AOPEP: variants seen among roughly 807,000 people sequenced by gnomAD.
AOPEP encodes the protein aminopeptidase O (putative), also known as aminopeptidase O.
In AOPEP, 77 loss-of-function variants were observed where a neutral mutation model predicts 98.1. The observed-to-expected ratio is 0.78, with a 90% CI of 0.65 to 0.95. The LOEUF is 0.95. Ranked by LOEUF, AOPEP falls within the 40% of genes least tolerant of loss-of-function variation. The pLI, the probability that AOPEP is intolerant of heterozygous loss-of-function variation, is 0.00. For synonymous variants in AOPEP, 346 were observed against 365.3 expected, an observed-to-expected ratio of 0.95 and a Z score of 0.60; for missense variants, 1,024 against 1,024.7, an observed-to-expected ratio of 1.00 and a Z score of 0.01.
chr9:94,986,162 C>T (rs1422193278), intron 11 of AOPEP, among the ~76,000 whole-genome samples: 1 of 152,132 alleles, frequency 6.6e-6, no homozygotes, highest in Admixed American at 6.5e-5. Flanking sequence ...GGTGAGGCCT[C>T]TCTCCTCGGC....
chr9:95,139,288 C>T, the AOPEP span, among the ~76,000 whole-genome samples: 1 of 152,186 alleles, frequency 6.6e-6, no homozygotes, highest in African/African-American at 2.4e-5. Context: ...AGAGTGACAA[C>T]ACCCAGTGCT....
chr9:94,900,989 G>A (rs1231384257), intron 5 of AOPEP: 1 of 152,152 alleles, frequency 6.6e-6, no homozygotes. Context: ...CTTTCTCTCA[G>A]ACCCTGGCAA....
At chr9:95,141,998 T>TG in the AOPEP span, among the ~76,000 whole-genome samples, 3 of 142,582 alleles carry the variant, frequency 2.1e-5, no homozygotes, top group African/African-American at 5.2e-5. Context: ...TTTTTTTTTT[T>TG]TTTTTTTTTT....
chr9:94,983,969 G>A (rs185073428), intron 11 of AOPEP, among the ~76,000 whole-genome samples: 3 of 151,048 alleles, frequency 2.0e-5, no homozygotes, highest in Non-Finnish European at 4.4e-5. Context: ...GGAGCTCACC[G>A]TCCAATGCAC....
chr9:95,023,513 G>A (rs1239192169), intron 13 of AOPEP, among the ~76,000 whole-genome samples: 7 of 152,156 alleles, frequency 4.6e-5, no homozygotes, highest in South Asian at 2.1e-4. Flanking sequence ...GTTTCCAGTC[G>A]GCTCCTCCAA....
chr9:95,114,671 A>G, the AOPEP span: 1 of 1,614,206 alleles, frequency 6.2e-7, no homozygotes, highest in African/African-American at 1.3e-5. Flanking sequence ...CAGTTCAGAA[A>G]TATGCTTCAG....
At chr9:95,060,367 A>G (rs1043643024) in intron 13 of AOPEP, among the ~76,000 whole-genome samples, 3 of 152,202 alleles carry the variant, frequency 2.0e-5, no homozygotes, top group African/African-American at 7.2e-5. Context: ...TTTCTGGTGT[A>G]TGCGTGCTGT....
intron 5 of AOPEP, among the ~76,000 whole-genome samples, chr9:94,821,260 A>G (rs1046211054): frequency 6.6e-6 from 1 of 152,166 alleles, no homozygotes; most frequent in Non-Finnish European, 1.5e-5. Flanking sequence ...GGCTTTCAGG[A>G]TAGAGCGTTC....
chr9:94,848,880 G>C (rs561181141), intron 5 of AOPEP, among the ~76,000 whole-genome samples: 1 of 152,126 alleles, frequency 6.6e-6, no homozygotes, highest in Non-Finnish European at 1.5e-5. Context: ...GGGTTCAAGC[G>C]ATTCTCCTGC....
At chr9:94,873,711 T>C (rs1338686124) in intron 5 of AOPEP, among the ~76,000 whole-genome samples, 1 of 152,254 alleles carries the variant, frequency 6.6e-6, no homozygotes, top group Admixed American at 6.5e-5. Context: ...GTTTACATAT[T>C]TAATATATTG....
intron 3 of AOPEP, 188 bp downstream of exon 3, chr9:94,773,356 G>A (rs1841313654): frequency 2.1e-6 from 1 of 483,696 alleles, no homozygotes; most frequent in East Asian, 3.3e-5. Flanking sequence ...GCCTGGGCAT[G>A]GGATTTGGGG....
chr9:95,086,455 G>A (rs189483486), intron 16 of AOPEP: 7 of 985,380 alleles, frequency 7.1e-6, no homozygotes, highest in East Asian at 1.1e-4. Context: ...TATTGTGTAC[G>A]CAAAGCCTGA....
At chr9:95,145,275 T>A in the AOPEP span, 4 of 152,332 alleles carry the variant, frequency 2.6e-5, no homozygotes, top group African/African-American at 9.6e-5. Context: ...GATCCATTTA[T>A]GACAGTGAAA....
intron 10 of AOPEP, among the ~76,000 whole-genome samples, chr9:94,971,316 A>T (rs985204731): frequency 1.3e-4 from 20 of 152,146 alleles, no homozygotes; most frequent in Non-Finnish European, 2.8e-4. Flanking sequence ...GCTTCTTTTT[A>T]AAAAAATCTC....
intron 5 of AOPEP, among the ~76,000 whole-genome samples, chr9:94,868,296 T>C (rs760884441): frequency 6.6e-6 from 1 of 152,206 alleles, no homozygotes; most frequent in African/African-American, 2.4e-5. Context: ...GTTCACCAGT[T>C]TGGGGAAGGC....
intron 1 of AOPEP, among the ~76,000 whole-genome samples, chr9:94,743,220 G>A (rs200682042): frequency 8.7e-5 from 6 of 69,034 alleles, no homozygotes; most frequent in Admixed American, 6.3e-4. Context: ...AGGAAGAAGA[G>A]GAAGAAGAAG....
intron 1 of AOPEP, among the ~76,000 whole-genome samples, chr9:94,747,855 A>G (rs1049500062): frequency 2.6e-5 from 4 of 152,208 alleles, no homozygotes; most frequent in African/African-American, 9.7e-5. Flanking sequence ...GTCCAAACCA[A>G]TATTCTTGAG....
chr9:95,071,274 C>A, intron 14 of AOPEP, among the ~76,000 whole-genome samples: 1 of 147,570 alleles, frequency 6.8e-6, no homozygotes, highest in South Asian at 2.3e-4. Context: ...TGAGTGCTGA[C>A]ATGACCCTCC....
At chr9:94,979,570 A>G in intron 11 of AOPEP, 143 bp downstream of exon 11, 1 of 597,094 alleles carries the variant, frequency 1.7e-6, no homozygotes, top group Non-Finnish European at 3.1e-6. Context: ...AAGTCAGAAC[A>G]CTAGTCTCTC....
Sources: allele counts gnomAD v4.1 joint callset (sites outside exome capture counted in the v4.1 genomes callset), GRCh38; gene constraint gnomAD v4.1.1; transcripts MANE v1.5; gene names NCBI Gene and HGNC (gene_info 2026-07-23, HGNC 2026-07-21).